Variants in ADAMTS16 observed in about 807,000 individuals in gnomAD.
The protein encoded by ADAMTS16 is ADAM metallopeptidase with thrombospondin type 1 motif 16.
Under a neutral mutation model 145.8 loss-of-function variants are expected in ADAMTS16, and 94 were observed. That is an observed-to-expected ratio of 0.64 (90% CI 0.55 to 0.77). The LOEUF (loss-of-function observed/expected upper bound fraction) is 0.77, where lower values mean the gene tolerates loss of function less well. Among genes scored for constraint, ADAMTS16 ranks in the 30% least tolerant of loss-of-function variants. ADAMTS16 has a pLI of 0.00. For synonymous variants in ADAMTS16, 659 were observed against 604.3 expected (o/e 1.09, Z -1.33); for missense variants, 1,585 against 1,591.5 (o/e 1.00, Z 0.07).
intron 18 of ADAMTS16, among the ~76,000 whole-genome samples, chr5:5,296,127 C>G (rs1478849095): frequency 6.6e-6 from 1 of 152,152 alleles, no homozygotes; most frequent in African/African-American, 2.4e-5. Flanking sequence ...TGGTCCATCC[C>G]AGCTCCGAAA....
intron 11 of ADAMTS16, among the ~76,000 whole-genome samples, chr5:5,224,341 G>A (rs1296182668): frequency 1.3e-5 from 2 of 152,080 alleles, no homozygotes; most frequent in Non-Finnish European, 2.9e-5. Flanking sequence ...CCAGGTTGGA[G>A]TGCAGTGGTG....
At chr5:5,247,719 C>G (rs937796245) in intron 17 of ADAMTS16, among the ~76,000 whole-genome samples, 1 of 152,202 alleles carries the variant, frequency 6.6e-6, no homozygotes. Flanking sequence ...TAAAAATGGG[C>G]GATTACTGCC....
intron 3 of ADAMTS16, among the ~76,000 whole-genome samples, chr5:5,156,511 T>A (rs964526228): frequency 6.6e-6 from 1 of 152,218 alleles, no homozygotes; most frequent in African/African-American, 2.4e-5. Context: ...ATGGGCTAAC[T>A]AAACCTTGCT....
chr5:5,276,151 G>A (rs913634337), intron 18 of ADAMTS16, among the ~76,000 whole-genome samples: 7 of 152,138 alleles, frequency 4.6e-5, no homozygotes, highest in Non-Finnish European at 1.5e-5. Flanking sequence ...GAGCCACAGT[G>A]CCCGGCCAAA....
chr5:5,183,691 G>A lies in ADAMTS16; in HGVS notation c.763+1386G>A, dbSNP rs142654975. ...CGCCATGACTCAGGCTGGTGGCACA[G>A]CTAAGGCACAGCTCTGTGTGCAAGG... On this transcript the variant is annotated intron_variant, in intron 4 of 22. Coordinates refer to ENST00000274181, the MANE Select transcript of ADAMTS16 (RefSeq NM_139056.4). Among the ~76,000 whole-genome samples, 241 of 152,330 alleles carry A rather than the reference G, an allele frequency of 1.6e-3. 1 individual carries two copies. Among genetic ancestry groups the A allele is most frequent in the Non-Finnish European group, 2.9e-3 (197 of 68,030 alleles).
intron 8 of ADAMTS16, among the ~76,000 whole-genome samples, chr5:5,192,986 A>G (rs1332378859): frequency 6.6e-6 from 1 of 152,204 alleles, no homozygotes; most frequent in Non-Finnish European, 1.5e-5. Context: ...AAAAATTTAC[A>G]ACCAGGAATT....
intron 18 of ADAMTS16, among the ~76,000 whole-genome samples, chr5:5,298,401 T>C (rs1739633249): frequency 6.6e-6 from 1 of 152,240 alleles, no homozygotes; most frequent in Admixed American, 6.5e-5. Flanking sequence ...TTGAACTTGC[T>C]TGGAGTGTAG....
chr5:5,217,337 C>G (rs1356713946), intron 10 of ADAMTS16, among the ~76,000 whole-genome samples: 1 of 152,038 alleles, frequency 6.6e-6, no homozygotes, highest in African/African-American at 2.4e-5. Flanking sequence ...CAACAAAAGA[C>G]AAAATTGACA....
chr5:5,284,878 T>A (rs763493845), intron 18 of ADAMTS16, among the ~76,000 whole-genome samples: 1 of 152,236 alleles, frequency 6.6e-6, no homozygotes, highest in Non-Finnish European at 1.5e-5. Context: ...GGAATTTCCA[T>A]ACAAGTCATT....
chr5:5,318,158 G>A lies in ADAMTS16; in HGVS notation c.3436G>A (p.Val1146Ile), dbSNP rs201358075. The A allele has an allele frequency of 3.7e-4, 554 of 1,510,464 alleles. No homozygotes were observed. The highest frequency in any genetic ancestry group is 4.5e-4 in the Non-Finnish European group (509 of 1,124,426). 93.6% of individuals were successfully genotyped at this position (1,510,464 alleles called of 1,614,324 possible). ...SQCTASCGGG[V>I]QTRSVQCLAG... ...GTGCACGGCCAGCTGTGGGGGAGGC[G>A]TTCAGACGAGGTCCGTGCAGTGCCT... is the stretch of plus-strand genomic sequence containing the variant. Residue 1146 changes from valine (V) to isoleucine (I), a missense_variant, in exon 22 of 23, where the codon GTT becomes ATT. Transcript: ENST00000274181.
At chr5:5,168,748 A>G (rs1734967205) in intron 3 of ADAMTS16, among the ~76,000 whole-genome samples, 1 of 139,428 alleles carries the variant, frequency 7.2e-6, no homozygotes, top group African/African-American at 2.7e-5. Flanking sequence ...ATAAAATATA[A>G]TTATATAATT....
intron 3 of ADAMTS16, among the ~76,000 whole-genome samples, chr5:5,174,026 T>G (rs1325159174): frequency 6.6e-6 from 1 of 152,256 alleles, no homozygotes; most frequent in East Asian, 1.9e-4. Flanking sequence ...TCTTTGTATT[T>G]ACTATTTCTA....
chr5:5,146,566 C>T (rs1182429777), intron 3 of ADAMTS16, 111 bp downstream of exon 3: 8 of 1,155,520 alleles, frequency 6.9e-6, no homozygotes, highest in Admixed American at 2.4e-5. Context: ...AGTACTGCAG[C>T]GCAGATTAAG....
At chr5:5,206,938 C>G (rs192369085) in intron 9 of ADAMTS16, among the ~76,000 whole-genome samples, 2 of 152,242 alleles carry the variant, frequency 1.3e-5, no homozygotes, top group Admixed American at 1.3e-4. Flanking sequence ...TTCCACTGAT[C>G]TATTTGTCCA....
intron 2 of ADAMTS16, among the ~76,000 whole-genome samples, chr5:5,143,784 G>A (rs1341285046): frequency 1.3e-5 from 2 of 152,154 alleles, no homozygotes; most frequent in Admixed American, 6.5e-5. Context: ...ATACACCATG[G>A]AATTCTATGC....
chr5:5,185,675 G>A (rs1185773833), intron 4 of ADAMTS16, among the ~76,000 whole-genome samples: 1 of 152,172 alleles, frequency 6.6e-6, no homozygotes, highest in African/African-American at 2.4e-5. Flanking sequence ...TCGTGTTCTT[G>A]TAATTGTTTG....
intron 3 of ADAMTS16, among the ~76,000 whole-genome samples, chr5:5,178,345 G>T (rs908390597): frequency 2.6e-5 from 4 of 152,166 alleles, no homozygotes; most frequent in African/African-American, 9.7e-5. Context: ...TAATCCACCC[G>T]CCTGACATTC....
Position 5,252,140 on chromosome 5 carries a change from T to C in ADAMTS16, c.2662+9949T>C, listed in dbSNP as rs1013590515. Among the ~76,000 whole-genome samples, 9 of 152,296 alleles carry C rather than the reference T, an allele frequency of 5.9e-5. No homozygotes were observed. In the South Asian group the frequency reaches 6.2e-4, roughly 11 times the overall value. ...CTGGGATTGCAGGCGTGAGCCACCG[T>C]GCCTGGCCGTCGGTGCTTTTAATAC... On this transcript the variant is annotated intron_variant, in intron 17 of 22. Transcript: ENST00000274181.
intron 8 of ADAMTS16, among the ~76,000 whole-genome samples, chr5:5,199,343 A>G (rs1037789753): frequency 6.6e-6 from 1 of 152,212 alleles, no homozygotes; most frequent in Non-Finnish European, 1.5e-5. Flanking sequence ...TAGCTGCTGT[A>G]GCTTGAGATG....
Sources: allele counts gnomAD v4.1 joint callset (sites outside exome capture counted in the v4.1 genomes callset), GRCh38; gene constraint gnomAD v4.1.1; transcripts MANE v1.5; gene names NCBI Gene and HGNC (gene_info 2026-07-23, HGNC 2026-07-21).